Variants in ZPBP observed in about 807,000 individuals in gnomAD.
The protein encoded by ZPBP is zona pellucida binding protein, also known as zona pellucida-binding protein 1.
In ZPBP, 26 loss-of-function variants were observed where a neutral mutation model predicts 44.8. The observed-to-expected ratio is 0.58, with a 90% CI of 0.43 to 0.81. The LOEUF (loss-of-function observed/expected upper bound fraction) is 0.81, where lower values mean the gene tolerates loss of function less well. Ranked by LOEUF, ZPBP falls within the 30% of genes least tolerant of loss-of-function variation. The pLI is 0.00. For missense variants in ZPBP, 409 were observed against 434.0 expected, an observed-to-expected ratio of 0.94 and a Z score of 0.51; for synonymous variants, 174 against 153.2, an observed-to-expected ratio of 1.14 and a Z score of -1.00.
At chr7:49,984,331 A>T (rs746070919) in intron 6 of ZPBP, among the ~76,000 whole-genome samples, 2 of 152,214 alleles carry the variant, frequency 1.3e-5, no homozygotes, top group Non-Finnish European at 2.9e-5. Flanking sequence ...ATGCAAAAAC[A>T]CCCACAAAGG....
chr7:50,049,313 C>A (rs542596255), intron 4 of ZPBP, among the ~76,000 whole-genome samples: 1 of 152,102 alleles, frequency 6.6e-6, no homozygotes, highest in South Asian at 2.1e-4. Flanking sequence ...CCAGCGCATT[C>A]TATGAAGCCA....
intron 1 of ZPBP, among the ~76,000 whole-genome samples, chr7:49,903,701 T>C (rs1201018600): frequency 6.6e-6 from 1 of 152,152 alleles, no homozygotes; most frequent in Non-Finnish European, 1.5e-5. Context: ...TATATGCACA[T>C]ATTATTGAAG....
chr7:49,908,542 T>A (rs1021453347), intron 1 of ZPBP, among the ~76,000 whole-genome samples: 6 of 152,302 alleles, frequency 3.9e-5, no homozygotes, highest in Admixed American at 2.6e-4. Flanking sequence ...ATTATGAATT[T>A]ATAATTTTTA....
chr7:49,950,587 G>A (rs1795299698), intron 7 of ZPBP, among the ~76,000 whole-genome samples: 1 of 151,542 alleles, frequency 6.6e-6, no homozygotes, highest in African/African-American at 2.4e-5. Flanking sequence ...TATTTTATAT[G>A]TGTTAATATA....
chr7:49,913,548 C>G (rs892127777), intron 1 of ZPBP: 1 of 152,088 alleles, frequency 6.6e-6, no homozygotes, highest in Non-Finnish European at 1.5e-5. Flanking sequence ...AGGTATTTTT[C>G]ATATTTTTGT....
At chr7:49,856,526 G>A (rs909862293) in intron 2 of ZPBP, among the ~76,000 whole-genome samples, 7 of 152,088 alleles carry the variant, frequency 4.6e-5, no homozygotes, top group Non-Finnish European at 7.4e-5. Context: ...CAAAATGGAC[G>A]AATACAGCAG....
intron 6 of ZPBP, among the ~76,000 whole-genome samples, chr7:50,002,295 T>C (rs927064302): frequency 7.9e-5 from 12 of 152,088 alleles, no homozygotes; most frequent in Middle Eastern, 3.2e-3. Flanking sequence ...GAGAACAGTA[T>C]GGGAAATACC....
intron 5 of ZPBP, among the ~76,000 whole-genome samples, chr7:50,019,397 T>TA (rs1157838642): frequency 3.3e-5 from 5 of 152,142 alleles, no homozygotes; most frequent in African/African-American, 1.2e-4. Flanking sequence ...TTCATCTCCT[T>TA]AATAACATCT....
At chr7:49,966,876 C>A (rs12540153) in intron 7 of ZPBP, among the ~76,000 whole-genome samples, 3 of 151,824 alleles carry the variant, frequency 2.0e-5, no homozygotes, top group African/African-American at 7.3e-5. Flanking sequence ...GGTGTAAATT[C>A]CCATGGCATA....
chr7:50,010,582 C>T (rs751881148), intron 6 of ZPBP, among the ~76,000 whole-genome samples: 6 of 152,054 alleles, frequency 3.9e-5, no homozygotes, highest in Non-Finnish European at 7.4e-5. Flanking sequence ...AATCAAATCA[C>T]GGACTCAACT....
intron 1 of ZPBP, among the ~76,000 whole-genome samples, chr7:49,922,686 G>A (rs1794072879): frequency 6.6e-6 from 1 of 152,154 alleles, no homozygotes; most frequent in Non-Finnish European, 1.5e-5. Context: ...TGGAAAAAAT[G>A]GAGCAAAATT....
intron 1 of ZPBP, chr7:49,917,081 T>G (rs1253389229): frequency 6.6e-6 from 1 of 152,240 alleles, no homozygotes; most frequent in Non-Finnish European, 1.5e-5. Flanking sequence ...ATTTGTGATA[T>G]TGATCATTTC....
At chr7:49,841,304 C>T in the ZPBP span, among the ~76,000 whole-genome samples, 1 of 127,360 alleles carries the variant, frequency 7.9e-6, no homozygotes, top group Admixed American at 7.8e-5. Context: ...GATGTTTACA[C>T]ATTACTTTTT....
At chr7:49,885,519 T>C (rs1226511553) in intron 2 of ZPBP, among the ~76,000 whole-genome samples, 1 of 152,198 alleles carries the variant, frequency 6.6e-6, no homozygotes, top group Non-Finnish European at 1.5e-5. Flanking sequence ...GTTATATAAT[T>C]AGGATTTTTT....
intron 4 of ZPBP, among the ~76,000 whole-genome samples, chr7:50,033,243 A>G (rs1799682051): frequency 6.6e-6 from 1 of 152,172 alleles, no homozygotes; most frequent in African/African-American, 2.4e-5. Context: ...CAATATAGTT[A>G]TTTGCATAAC....
rs574011222 is a variant in ZPBP, at chr7:49,882,803, C to A, written n.509+18315G>T. On this transcript the variant is annotated intron_variant and non_coding_transcript_variant, in intron 2 of 2. Transcript: ENST00000465922. Reference sequence around the variant, plus strand: ...CAACTTTTTTTTCTAAAAGGAAATTCAAGTCATTTATAAGTTTCAACTACA... The same window carrying A: ...CAACTTTTTTTTCTAAAAGGAAATTAAAGTCATTTATAAGTTTCAACTACA... 1.8e-4 allele frequency among the ~76,000 whole-genome samples: 27 copies of A among 152,178 alleles called. No homozygotes were observed. In the East Asian group the frequency reaches 5.0e-3, roughly 28 times the overall value.
rs756429259 is a variant in ZPBP at position 50,093,116 on chromosome 7, C to T, written c.79G>A (p.Ala27Thr). Residue 27 changes from alanine (A) to threonine (T), a missense_variant, in exon 1 of 8, where the codon GCC becomes ACC. Around this residue, in one of 2 missense-constraint regions of ZPBP, gnomAD observed 367 missense variants for 363.1 expected, o/e 1.01. Coordinates refer to ENST00000046087, the MANE Select transcript of ZPBP (RefSeq NM_007009.3). Reference sequence around the variant, plus strand: ...AAGGCGGAGATAAAGAGGAGGATGGCGGCCCGAGAGAGCAGGGAGCCGGCG... The same window carrying T: ...AAGGCGGAGATAAAGAGGAGGATGGTGGCCCGAGAGAGCAGGGAGCCGGCG... ...RAAGSLLSRA[A>T]ILLFISAFLV... is the part of the protein sequence containing the mutation. The T allele has an allele frequency of 2.5e-6, 4 of 1,586,256 alleles. No individual in the cohort carries two copies. Among genetic ancestry groups the T allele is most frequent in the East Asian group, 4.6e-5 (2 of 43,518 alleles).
In ZPBP at chr7:49,870,681, A is replaced by G. The variant is rs76859359; in HGVS notation, n.510-20167T>C. Among the ~76,000 whole-genome samples, 482 of 152,310 alleles carry G rather than the reference A, an allele frequency of 3.2e-3. 1 individual carries two copies. The highest frequency in any genetic ancestry group is 0.011 in the African/African-American group (465 of 41,574). ...AAAAGGGCTCCCCTTCTGAAAGAAGAGTTGGGAAACCATGACGTTATCATG... is the reference window on the plus strand; with the variant it reads ...AAAAGGGCTCCCCTTCTGAAAGAAGGGTTGGGAAACCATGACGTTATCATG... On this transcript the variant is annotated intron_variant and non_coding_transcript_variant, in intron 2 of 2. Transcript: ENST00000465922.
At chr7:49,879,459 T>C (rs1205406499) in intron 2 of ZPBP, among the ~76,000 whole-genome samples, 1 of 152,198 alleles carries the variant, frequency 6.6e-6, no homozygotes, top group Admixed American at 6.5e-5. Flanking sequence ...CAGCATGCCA[T>C]GTAATACAAC....
Sources: allele counts gnomAD v4.1 joint callset (sites outside exome capture counted in the v4.1 genomes callset), GRCh38; gene constraint gnomAD v4.1.1; regional missense constraint gnomAD v4.1.1; transcripts MANE v1.5; gene names NCBI Gene and HGNC (gene_info 2026-07-23, HGNC 2026-07-21).